CADPS2: variants seen among roughly 807,000 people sequenced by gnomAD.
CADPS2 encodes the protein calcium-dependent secretion activator 2.
In CADPS2, 93 loss-of-function variants were observed where a neutral mutation model predicts 172.5. The observed-to-expected ratio is 0.54, with a 90% CI of 0.46 to 0.64. The LOEUF is 0.64. Among genes scored for constraint, CADPS2 ranks in the 30% least tolerant of loss-of-function variants. The probability of loss-of-function intolerance (pLI) is 0.00; values close to 1 mark genes in which losing one functional copy is unlikely to be tolerated. For missense variants in CADPS2, 1,420 were observed against 1,565.9 expected, an observed-to-expected ratio of 0.91 and a Z score of 1.57; for synonymous variants, 546 against 555.2, an observed-to-expected ratio of 0.98 and a Z score of 0.23.
intron 2 of CADPS2, among the ~76,000 whole-genome samples, chr7:122,684,041 A>G (rs778280477): frequency 3.3e-5 from 5 of 152,158 alleles, no homozygotes; most frequent in Admixed American, 6.5e-5. Context: ...TGTCTTACTT[A>G]CTTACTTGTT....
At chr7:122,643,338 T>C (rs2077901081) in intron 3 of CADPS2, among the ~76,000 whole-genome samples, 1 of 152,208 alleles carries the variant, frequency 6.6e-6, no homozygotes, top group Admixed American at 6.5e-5. Flanking sequence ...AGATAGAGCA[T>C]AGCTCTACCC....
intron 3 of CADPS2, among the ~76,000 whole-genome samples, chr7:122,636,041 T>G (rs555761858): frequency 3.9e-4 from 60 of 152,330 alleles, no homozygotes; most frequent in Non-Finnish European, 7.1e-4. Context: ...GGTTCTTGTC[T>G]TTTTTATCTA....
Position 122,490,151 on chromosome 7 carries a change from T to G in CADPS2, c.1782A>C (p.Lys594Asn). 6.2e-7 allele frequency: 1 copy of G among 1,613,518 alleles called. No homozygotes were observed. The highest frequency in any genetic ancestry group is 8.5e-7 in the Non-Finnish European group (1 of 1,179,596). The change falls in exon 11 of 30, where the codon AAA (lysine) becomes AAC (asparagine). Residue 594 changes from lysine (K) to asparagine (N), a missense_variant. Lys to Asn is a moderately conservative substitution (Grantham distance 94). Transcript: ENST00000449022. ...TCTGGGTTTGAATTGCAGGAACTGG[T>G]TTATATGATTGACCTGTGGCCCTAT... The part of the protein sequence containing the change: ...AMYRATGQSY[K>N]PVPAIQTQKL...
chr7:122,441,316 G>T (rs1208309825), intron 16 of CADPS2, among the ~76,000 whole-genome samples, 196 bp downstream of exon 16: 2 of 152,108 alleles, frequency 1.3e-5, no homozygotes, highest in Non-Finnish European at 2.9e-5. Context: ...TCAGTGTGAG[G>T]CTTCAGAAAG....
At chr7:122,579,945 G>A (rs2068581646) in intron 7 of CADPS2, among the ~76,000 whole-genome samples, 1 of 152,160 alleles carries the variant, frequency 6.6e-6, no homozygotes, top group South Asian at 2.1e-4. Flanking sequence ...AGAGTATAAA[G>A]GAGGTAGAAG....
intron 1 of CADPS2, among the ~76,000 whole-genome samples, chr7:122,764,903 A>T (rs2093499736): frequency 6.6e-6 from 1 of 152,072 alleles, no homozygotes; most frequent in South Asian, 2.1e-4. Context: ...TCTGAAGCCT[A>T]TTACACTTAA....
intron 3 of CADPS2, among the ~76,000 whole-genome samples, chr7:122,651,085 TCCTC>T (rs1418796144): frequency 6.6e-6 from 1 of 152,086 alleles, no homozygotes; most frequent in Admixed American, 6.6e-5. Flanking sequence ...AAAAATATAC[TCCTC>T]CCTAATTTTC....
chr7:122,527,910 CAAACAGAGAA>C (rs2061406843), intron 8 of CADPS2, among the ~76,000 whole-genome samples: 1 of 151,998 alleles, frequency 6.6e-6, no homozygotes, highest in African/African-American at 2.4e-5. Flanking sequence ...GAGAGACAGA[CAAACAGAGAA>C]AGAGAGAGAA....
At chr7:122,615,328 C>T in intron 5 of CADPS2, 29 bp from the exon 6 acceptor site, 3 of 1,376,000 alleles carry the variant, frequency 2.2e-6, no homozygotes, top group Middle Eastern at 1.8e-4. Context: ...TAAAATAATG[C>T]ATCAAGTTGA....
At chr7:122,823,409 C>T (rs1475740958) in intron 1 of CADPS2, among the ~76,000 whole-genome samples, 25 of 152,094 alleles carry the variant, frequency 1.6e-4, no homozygotes, top group Admixed American at 1.4e-3. Flanking sequence ...CTCTCTCCTG[C>T]TCCCCTCCCC....
At chr7:122,865,882 G>A (rs1818184319) in intron 1 of CADPS2, among the ~76,000 whole-genome samples, 1 of 152,230 alleles carries the variant, frequency 6.6e-6, no homozygotes, top group Non-Finnish European at 1.5e-5. Context: ...ACATGTCTGT[G>A]TGAGTGAGCT....
chr7:122,347,934 A>G (rs1215089556), intron 27 of CADPS2, among the ~76,000 whole-genome samples: 1 of 152,354 alleles, frequency 6.6e-6, no homozygotes. Flanking sequence ...CGAAAGTGAC[A>G]TGAGAACAAT....
At chr7:122,513,353 GAAT>G in intron 8 of CADPS2, 38 bp from the exon 9 acceptor site, 1 of 1,412,068 alleles carries the variant, frequency 7.1e-7, no homozygotes, top group Non-Finnish European at 9.8e-7. Flanking sequence ...TACTTCAGAT[GAAT>G]AATGTTGTGC....
intron 17 of CADPS2, among the ~76,000 whole-genome samples, chr7:122,425,350 G>C (rs1040215352): frequency 6.7e-6 from 1 of 150,348 alleles, no homozygotes; most frequent in Non-Finnish European, 1.5e-5. Flanking sequence ...CACATTGGGA[G>C]GCTGAGGTGG....
chr7:122,773,749 T>C (rs1197492722), intron 1 of CADPS2, among the ~76,000 whole-genome samples: 1 of 152,112 alleles, frequency 6.6e-6, no homozygotes, highest in East Asian at 1.9e-4. Flanking sequence ...CCTTCTTTTC[T>C]ACTTGTAGCA....
chr7:122,617,829 C>A (rs1284557688), intron 5 of CADPS2, among the ~76,000 whole-genome samples: 1 of 152,066 alleles, frequency 6.6e-6, no homozygotes, highest in Non-Finnish European at 1.5e-5. Flanking sequence ...ATATCATGAG[C>A]TCAGGAGATC....
chr7:122,490,007 A>AG, intron 11 of CADPS2, 74 bp downstream of exon 11: 1 of 1,255,934 alleles, frequency 8.0e-7, no homozygotes, highest in Non-Finnish European at 1.1e-6. Flanking sequence ...TATAATACTG[A>AG]ATACATTTGC....
chr7:122,379,281 T>A, intron 25 of CADPS2, 87 bp downstream of exon 25: 1 of 831,888 alleles, frequency 1.2e-6, no homozygotes, highest in Non-Finnish European at 1.8e-6. Flanking sequence ...CTACATTTTT[T>A]CTCAATTAGA....
At chr7:122,843,551 A>C (rs1811163113) in intron 1 of CADPS2, among the ~76,000 whole-genome samples, 2 of 152,234 alleles carry the variant, frequency 1.3e-5, no homozygotes, top group Non-Finnish European at 2.9e-5. Flanking sequence ...CCAGCACAGC[A>C]AACAATGCAT....
Sources: allele counts gnomAD v4.1 joint callset (sites outside exome capture counted in the v4.1 genomes callset), GRCh38; gene constraint gnomAD v4.1.1; transcripts MANE v1.5; gene names NCBI Gene and HGNC (gene_info 2026-07-23, HGNC 2026-07-21).